ALCAM: variants seen among roughly 807,000 people sequenced by gnomAD.
The protein encoded by ALCAM is activated leukocyte cell adhesion molecule, also known as CD166 antigen.
Under a neutral mutation model 70.9 loss-of-function variants are expected in ALCAM, and 30 were observed. That is an observed-to-expected ratio of 0.42 (90% CI 0.32 to 0.57). The LOEUF is 0.57. Ranked by LOEUF, ALCAM falls within the 20% of genes least tolerant of loss-of-function variation. ALCAM has a pLI of 0.11. For missense variants in ALCAM, 591 were observed against 695.1 expected (o/e 0.85, Z 1.68); for synonymous variants, 249 against 242.5 (o/e 1.03, Z -0.25).
At chr3:105,391,419 A>G (rs918962951) in intron 1 of ALCAM, among the ~76,000 whole-genome samples, 1 of 151,966 alleles carries the variant, frequency 6.6e-6, no homozygotes, top group Non-Finnish European at 1.5e-5. Context: ...GTGTATAGGA[A>G]TGCTGCTTAT....
rs1285048012 is a variant in ALCAM at position 105,384,992 on chromosome 3, G to A, written c.73+17511G>A. ...GTTAAGATTCTGGATTAATCAAAGA[G>A]GCTACATGACAATTTTTTAAAAAAT... On this transcript the variant is annotated intron_variant, in intron 1 of 15. Coordinates refer to ENST00000306107, the MANE Select transcript of ALCAM (RefSeq NM_001627.4). Among the ~76,000 whole-genome samples, 4 of 151,404 alleles carry A rather than the reference G, an allele frequency of 2.6e-5. No homozygotes were observed. The East Asian group carries it at 7.8e-4, about 29-fold the overall frequency.
intron 1 of ALCAM, among the ~76,000 whole-genome samples, chr3:105,457,926 G>C (rs1216684243): frequency 6.6e-6 from 1 of 152,144 alleles, no homozygotes; most frequent in Non-Finnish European, 1.5e-5. Context: ...TCCGTATCCT[G>C]AATGTTTAGT....
chr3:105,385,083 T>C (rs539264251), intron 1 of ALCAM, among the ~76,000 whole-genome samples: 20 of 151,740 alleles, frequency 1.3e-4, no homozygotes, highest in African/African-American at 4.1e-4. Context: ...CCTGGATTCT[T>C]GGCATGTAAT....
At chr3:105,565,258 C>T (rs572509558) in intron 14 of ALCAM, among the ~76,000 whole-genome samples, 2 of 152,274 alleles carry the variant, frequency 1.3e-5, no homozygotes, top group Admixed American at 6.5e-5. Context: ...CTTCATAAGA[C>T]TCCTGGTATA....
chr3:105,527,619 A>G (rs1463148679), intron 3 of ALCAM, among the ~76,000 whole-genome samples: 1 of 151,746 alleles, frequency 6.6e-6, no homozygotes, highest in East Asian at 1.9e-4. Flanking sequence ...AAAACAGAGG[A>G]GTTGCTCCAG....
At chr3:105,445,315 A>AT (rs1196323414) in intron 1 of ALCAM, among the ~76,000 whole-genome samples, 1 of 152,156 alleles carries the variant, frequency 6.6e-6, no homozygotes, top group Non-Finnish European at 1.5e-5. Flanking sequence ...AAAAACATTG[A>AT]TAAAAAAACT....
chr3:105,524,216 A>G (rs896993834), intron 2 of ALCAM, 73 bp from the exon 3 acceptor site: 4 of 1,268,866 alleles, frequency 3.2e-6, no homozygotes, highest in Non-Finnish European at 4.4e-6. Context: ...GGCCAAGGAA[A>G]TGTTATTTTG....
chr3:105,415,387 G>T (rs970242595), intron 1 of ALCAM, among the ~76,000 whole-genome samples: 5 of 152,112 alleles, frequency 3.3e-5, no homozygotes, highest in African/African-American at 1.2e-4. Context: ...TGCAAAAATT[G>T]TGTAAAGTAG....
chr3:105,449,403 A>G (rs1306237179), intron 1 of ALCAM, among the ~76,000 whole-genome samples: 3 of 152,224 alleles, frequency 2.0e-5, no homozygotes, highest in African/African-American at 7.2e-5. Context: ...GAGAAAGAGA[A>G]TCTATAGCAG....
chr3:105,564,372 G>A (rs756017700), intron 14 of ALCAM, among the ~76,000 whole-genome samples: 1 of 152,056 alleles, frequency 6.6e-6, no homozygotes, highest in African/African-American at 2.4e-5. Flanking sequence ...TTTATGCTCT[G>A]CAGTCTATTA....
chr3:105,371,369 A>G (rs568342345), intron 1 of ALCAM, among the ~76,000 whole-genome samples: 1 of 152,156 alleles, frequency 6.6e-6, no homozygotes, highest in East Asian at 1.9e-4. Context: ...GAGATTAGTA[A>G]TTCCCTTGCT....
intron 1 of ALCAM, among the ~76,000 whole-genome samples, chr3:105,511,036 T>C (rs1341679532): frequency 6.6e-6 from 1 of 152,092 alleles, no homozygotes. Flanking sequence ...ATTTCTCATC[T>C]CTACTCATTG....
rs117015594 is a variant in ALCAM at position 105,484,773 on chromosome 3, A to G, written c.74-35294A>G. 1.6e-4 allele frequency among the ~76,000 whole-genome samples: 25 copies of G among 152,234 alleles called. No individual in the cohort carries two copies. In the East Asian group the frequency reaches 4.6e-3, roughly 28 times the overall value. On this transcript the variant is annotated intron_variant, in intron 1 of 15. Transcript: ENST00000306107. ...ATTTGCTCAGGTTAATATGCTTTCA[A>G]TGGAAACATGTGGAATAAACAGCTG...
intron 14 of ALCAM, among the ~76,000 whole-genome samples, chr3:105,569,701 G>A (rs1940823224): frequency 6.6e-6 from 1 of 152,136 alleles, no homozygotes; most frequent in African/African-American, 2.4e-5. Context: ...ATGTGCTATG[G>A]ATAAAATATA....
intron 1 of ALCAM, among the ~76,000 whole-genome samples, chr3:105,491,614 G>C (rs977060706): frequency 1.3e-5 from 2 of 152,172 alleles, no homozygotes; most frequent in Non-Finnish European, 2.9e-5. Context: ...TCTCCTGCCA[G>C]ATAACCTAAA....
At chr3:105,482,755 A>G (rs1053043246) in intron 1 of ALCAM, among the ~76,000 whole-genome samples, 1 of 152,182 alleles carries the variant, frequency 6.6e-6, no homozygotes, top group Non-Finnish European at 1.5e-5. Flanking sequence ...TGTTATATTA[A>G]AAAGCAATGT....
At chr3:105,411,246 C>T (rs557429711) in intron 1 of ALCAM, among the ~76,000 whole-genome samples, 20 of 152,160 alleles carry the variant, frequency 1.3e-4, no homozygotes, top group African/African-American at 4.8e-4. Flanking sequence ...AGGGAGAACC[C>T]AGCTCAACTG....
intron 3 of ALCAM, chr3:105,525,104 T>C (rs1939661878): frequency 1.0e-6 from 1 of 976,718 alleles, no homozygotes; most frequent in African/African-American, 1.8e-5. Context: ...ATTGACTGGT[T>C]ATTGATTTAG....
chr3:105,411,000 T>C (rs541275636), intron 1 of ALCAM, among the ~76,000 whole-genome samples: 1 of 152,080 alleles, frequency 6.6e-6, no homozygotes, highest in Non-Finnish European at 1.5e-5. Flanking sequence ...ATACTTCTCC[T>C]AACCCATTAA....
Sources: allele counts gnomAD v4.1 joint callset (sites outside exome capture counted in the v4.1 genomes callset), GRCh38; gene constraint gnomAD v4.1.1; transcripts MANE v1.5; gene names NCBI Gene and HGNC (gene_info 2026-07-23, HGNC 2026-07-21).